PPP1R14C: variants seen among roughly 807,000 people sequenced by gnomAD.
PPP1R14C encodes protein phosphatase 1 regulatory subunit 14C.
A neutral mutation model predicts 20.4 loss-of-function variants in PPP1R14C; 16 were observed. That is an observed-to-expected ratio of 0.78 (90% CI 0.53 to 1.19). The LOEUF is 1.19. Among genes scored for constraint, PPP1R14C ranks in the 50% most tolerant of loss-of-function variants. PPP1R14C has a pLI of 0.00. For synonymous variants in PPP1R14C, 91 were observed against 91.0 expected, an observed-to-expected ratio of 1.00 and a Z score of 0.00; for missense variants, 211 against 220.1, an observed-to-expected ratio of 0.96 and a Z score of 0.26.
chr6:150,152,512 C>T (rs1261448482), intron 1 of PPP1R14C, among the ~76,000 whole-genome samples: 1 of 152,230 alleles, frequency 6.6e-6, no homozygotes, highest in Non-Finnish European at 1.5e-5. Flanking sequence ...ACCCCCAGCC[C>T]TGCTGTTTCA....
chr6:150,191,898 T>C (rs1777750427), intron 1 of PPP1R14C, among the ~76,000 whole-genome samples: 1 of 152,178 alleles, frequency 6.6e-6, no homozygotes, highest in South Asian at 2.1e-4. Context: ...AATGGAGTGG[T>C]CTCTGAACTG....
chr6:150,188,094 G>A (rs1045975608), intron 1 of PPP1R14C, among the ~76,000 whole-genome samples: 1 of 152,148 alleles, frequency 6.6e-6, no homozygotes, highest in East Asian at 1.9e-4. Flanking sequence ...TTGGAGAAAG[G>A]TCTGTTTATT....
chr6:150,197,240 G>A (rs566420358), intron 1 of PPP1R14C, among the ~76,000 whole-genome samples: 1 of 152,272 alleles, frequency 6.6e-6, no homozygotes, highest in Admixed American at 6.5e-5. Flanking sequence ...GAGGAGCCCA[G>A]TGTGAGAGGC....
At chr6:150,209,156 C>T (rs533106227) in intron 1 of PPP1R14C, among the ~76,000 whole-genome samples, 2 of 152,250 alleles carry the variant, frequency 1.3e-5, no homozygotes, top group East Asian at 1.9e-4. Flanking sequence ...AGTTTAATCC[C>T]GTGTTACGTT....
intron 1 of PPP1R14C, among the ~76,000 whole-genome samples, chr6:150,145,151 A>G (rs575487188): frequency 4.9e-4 from 75 of 152,376 alleles, no homozygotes; most frequent in Non-Finnish European, 6.5e-4. Flanking sequence ...GAGTAGCCTG[A>G]TAAACAATAT....
chr6:150,225,683 T>C (rs774321550), intron 3 of PPP1R14C, among the ~76,000 whole-genome samples: 2 of 152,204 alleles, frequency 1.3e-5, no homozygotes, highest in Non-Finnish European at 2.9e-5. Flanking sequence ...ACAAAGCTAA[T>C]AGATTGACAC....
At position 150,241,575 on chromosome 6, in the gene PPP1R14C, C is replaced by T. The variant is rs151271479; in HGVS notation, c.424-7171C>T. 2.5e-3 allele frequency among the ~76,000 whole-genome samples: 383 copies of T among 152,176 alleles called. 1 individual carries two copies. Among genetic ancestry groups the T allele is most frequent in the African/African-American group, 7.5e-3 (313 of 41,540 alleles). ...TTTAACCCGTAGCATCTAACTCTAA[C>T]GCCAGCTCCAGGTAAATAGTGTCAG... On this transcript the variant is annotated intron_variant, in intron 3 of 3. Transcript: ENST00000361131.
intron 1 of PPP1R14C, among the ~76,000 whole-genome samples, chr6:150,152,912 T>G (rs905700026): frequency 8.5e-5 from 13 of 152,186 alleles, no homozygotes; most frequent in African/African-American, 3.1e-4. Flanking sequence ...GAGGACTTCG[T>G]GGAGGTCATT....
In PPP1R14C at chr6:150,201,479, A is replaced by T. The variant is rs1777876700; in HGVS notation, c.307-13265A>T. 6.6e-6 allele frequency among the ~76,000 whole-genome samples: 1 copy of T among 152,130 alleles called. No homozygotes were observed. The highest frequency in any genetic ancestry group is 1.5e-5 in the Non-Finnish European group (1 of 68,020). On this transcript the variant is annotated intron_variant, in intron 1 of 3. Transcript: ENST00000361131. This position sits in a 1 kb window ranked among gnomAD's most constrained non-coding sequence, Gnocchi z 4.2. The stretch of plus-strand genomic sequence containing the variant: ...GGAGGCCTGGCTGGGGAGTGTCCTG[A>T]GGGATCGGAGGAGACCAGCGGAGTT...
intron 1 of PPP1R14C, among the ~76,000 whole-genome samples, chr6:150,178,145 T>C (rs1279984445): frequency 6.6e-6 from 1 of 152,178 alleles, no homozygotes; most frequent in African/African-American, 2.4e-5. Context: ...TGCCCTTGTG[T>C]GTGCCCTCCT....
At chr6:150,196,610 A>T (rs539045387) in intron 1 of PPP1R14C, among the ~76,000 whole-genome samples, 1 of 152,336 alleles carries the variant, frequency 6.6e-6, no homozygotes, top group African/African-American at 2.4e-5. Flanking sequence ...ATAGATCAGC[A>T]TAAAGAACTT....
At chr6:150,154,876 A>G (rs1562256624) in intron 1 of PPP1R14C, among the ~76,000 whole-genome samples, 1 of 152,176 alleles carries the variant, frequency 6.6e-6, no homozygotes, top group Non-Finnish European at 1.5e-5. Context: ...CAGCACAGAC[A>G]CTCACAGCCA....
chr6:150,161,033 A>G (rs2114859327), intron 1 of PPP1R14C, among the ~76,000 whole-genome samples: 1 of 152,222 alleles, frequency 6.6e-6, no homozygotes, highest in South Asian at 2.1e-4. Flanking sequence ...TAATCCCAGC[A>G]CTTTGGGATG....
chr6:150,160,771 A>T (rs752712422), intron 1 of PPP1R14C, among the ~76,000 whole-genome samples: 15 of 151,960 alleles, frequency 9.9e-5, no homozygotes, highest in Non-Finnish European at 1.5e-4. Flanking sequence ...TTCATGGCCC[A>T]TATTATTCCA....
intron 1 of PPP1R14C, among the ~76,000 whole-genome samples, chr6:150,177,317 T>C (rs1036332551): frequency 1.3e-5 from 2 of 152,186 alleles, no homozygotes; most frequent in Non-Finnish European, 2.9e-5. Context: ...GAAGTCATAG[T>C]TTCAGAGCCA....
chr6:150,218,484 C>CT (rs1330651324), intron 3 of PPP1R14C, among the ~76,000 whole-genome samples: 2 of 118,416 alleles, frequency 1.7e-5, no homozygotes, highest in African/African-American at 7.1e-5. Flanking sequence ...ACCCCCCCCC[C>CT]CAAAAAAAAA....
chr6:150,248,752 A>G lies in PPP1R14C; in HGVS notation c.430A>G (p.Ile144Val), dbSNP rs773006022. 13 of 1,608,794 alleles carry G rather than the reference A, an allele frequency of 8.1e-6. No homozygotes were observed. In the East Asian group the frequency reaches 2.9e-4, roughly 36 times the overall value. ...TTCTTCTGATCTCTTTTAGGAATTT[A>G]TCAAAGAGCTGCTTTCTCGGATAAG... The part of the protein sequence containing the change: ...VDCYKPTEEF[I>V]KELLSRIRGM... The change falls in exon 4 of 4, where the codon ATC becomes GTC. Residue 144 changes from isoleucine to valine, a missense_variant. Transcript: ENST00000361131.
intron 1 of PPP1R14C, chr6:150,194,541 G>A (rs1254854496): frequency 5.2e-6 from 5 of 970,604 alleles, no homozygotes; most frequent in Non-Finnish European, 3.7e-6. Context: ...TTAATTAAAG[G>A]AGTAGCTCTT....
chr6:150,229,916 G>T (rs1248694757), intron 3 of PPP1R14C, among the ~76,000 whole-genome samples: 4 of 152,196 alleles, frequency 2.6e-5, no homozygotes, highest in Non-Finnish European at 4.4e-5. Flanking sequence ...TCAGTGGTGA[G>T]TGATGGTGGG....
Sources: allele counts gnomAD v4.1 joint callset (sites outside exome capture counted in the v4.1 genomes callset), GRCh38; gene constraint gnomAD v4.1.1; non-coding constraint Gnocchi (gnomAD v3.1); transcripts MANE v1.5; gene names NCBI Gene and HGNC (gene_info 2026-07-23, HGNC 2026-07-21).